CTNNA2: variants seen among roughly 807,000 people sequenced by gnomAD.
The protein encoded by CTNNA2 is catenin alpha 2.
In CTNNA2, 42 loss-of-function variants were observed where a neutral mutation model predicts 101.0. The observed-to-expected ratio is 0.42, with a 90% CI of 0.32 to 0.54. The LOEUF (loss-of-function observed/expected upper bound fraction) is 0.54. Ranked by LOEUF, CTNNA2 falls within the 20% of genes least tolerant of loss-of-function variation. The probability of loss-of-function intolerance (pLI) is 0.14; values close to 1 mark genes in which losing one functional copy is unlikely to be tolerated. For synonymous variants in CTNNA2, 450 were observed against 456.4 expected, an observed-to-expected ratio of 0.99 and a Z score of 0.18; for missense variants, 871 against 1,223.1, an observed-to-expected ratio of 0.71 and a Z score of 4.29.
At chr2:80,286,860 A>G (rs1291315981) in intron 7 of CTNNA2, among the ~76,000 whole-genome samples, 1 of 152,188 alleles carries the variant, frequency 6.6e-6, no homozygotes, top group African/African-American at 2.4e-5. Flanking sequence ...TTGTATTGGT[A>G]TGTAAACCCT....
intron 3 of CTNNA2, among the ~76,000 whole-genome samples, chr2:79,782,338 G>A (rs1314823814): frequency 1.3e-5 from 2 of 152,152 alleles, no homozygotes; most frequent in Non-Finnish European, 1.5e-5. Context: ...CTGGGTTCAA[G>A]TGATTCTCCT....
intron 7 of CTNNA2, among the ~76,000 whole-genome samples, chr2:80,166,588 A>G (rs1165702703): frequency 6.6e-6 from 1 of 152,138 alleles, no homozygotes; most frequent in Non-Finnish European, 1.5e-5. Context: ...CCTTAGGTCA[A>G]TGTTTTTCTG....
At chr2:80,335,145 G>A (rs1468382567) in intron 7 of CTNNA2, among the ~76,000 whole-genome samples, 1 of 152,164 alleles carries the variant, frequency 6.6e-6, no homozygotes, top group Non-Finnish European at 1.5e-5. Flanking sequence ...GAATATTGTA[G>A]ACAGGGAGAA....
At chr2:79,890,129 A>G (rs1013364089) in intron 6 of CTNNA2, among the ~76,000 whole-genome samples, 3 of 152,172 alleles carry the variant, frequency 2.0e-5, no homozygotes, top group Admixed American at 6.5e-5. Context: ...CACATTAAAT[A>G]TGAGATTTCT....
At chr2:80,230,221 T>C (rs1216682129) in intron 7 of CTNNA2, among the ~76,000 whole-genome samples, 1 of 151,696 alleles carries the variant, frequency 6.6e-6, no homozygotes, top group African/African-American at 2.4e-5. Flanking sequence ...TGCATGCCTG[T>C]ATATATTTCT....
At chr2:79,799,732 A>G (rs1344516553) in intron 3 of CTNNA2, among the ~76,000 whole-genome samples, 2 of 152,228 alleles carry the variant, frequency 1.3e-5, no homozygotes, top group Admixed American at 6.5e-5. Context: ...CACAGTCTTA[A>G]TGTCACATTA....
intron 9 of CTNNA2, among the ~76,000 whole-genome samples, chr2:80,514,868 CA>C (rs1267401430): frequency 1.3e-5 from 2 of 151,998 alleles, no homozygotes; most frequent in African/African-American, 4.8e-5. Context: ...AGACATTATT[CA>C]AAAAGAACCA....
intron 4 of CTNNA2, among the ~76,000 whole-genome samples, chr2:79,390,081 TG>T (rs1381350529): frequency 6.6e-6 from 1 of 152,144 alleles, no homozygotes; most frequent in African/African-American, 2.4e-5. Flanking sequence ...TTCATCAACT[TG>T]GTCATTCCCC....
intron 3 of CTNNA2, among the ~76,000 whole-genome samples, chr2:79,369,623 G>C (rs1343947294): frequency 6.6e-6 from 1 of 152,036 alleles, no homozygotes; most frequent in African/African-American, 2.4e-5. Context: ...AGCCTTCAAG[G>C]CTCACCCAAC....
chr2:79,565,606 A>G (rs753109322), intron 1 of CTNNA2, among the ~76,000 whole-genome samples: 4 of 152,060 alleles, frequency 2.6e-5, no homozygotes, highest in African/African-American at 4.8e-5. Context: ...GGTAGATAGA[A>G]CCTTTGAGGC....
intron 7 of CTNNA2, among the ~76,000 whole-genome samples, chr2:80,385,910 G>A (rs571209318): frequency 6.6e-6 from 1 of 152,176 alleles, no homozygotes; most frequent in South Asian, 2.1e-4. Context: ...TCACTGGTTT[G>A]GATGTTATTA....
At chr2:79,902,226 A>T (rs1685112883) in intron 6 of CTNNA2, among the ~76,000 whole-genome samples, 1 of 152,182 alleles carries the variant, frequency 6.6e-6, no homozygotes, top group Non-Finnish European at 1.5e-5. Flanking sequence ...GAAAGGATAC[A>T]TGAGGTAAAC....
intron 2 of CTNNA2, among the ~76,000 whole-genome samples, chr2:79,715,205 C>CA (rs140432724): frequency 0.076 from 4,970 of 65,406 alleles, 233 homozygotes; most frequent in African/African-American, 0.12. Context: ...AAAATTCCGT[C>CA]AAAAAAAAAA....
intron 7 of CTNNA2, among the ~76,000 whole-genome samples, chr2:79,956,842 G>GGTTTTTTTTT (rs1689255694): frequency 1.6e-5 from 1 of 64,378 alleles, no homozygotes; most frequent in Non-Finnish European, 2.8e-5. Flanking sequence ...AATACGTGTG[G>GGTTTTTTTTT]GTTTTTTTTT....
At chr2:79,365,704 T>C (rs1396399158) in intron 3 of CTNNA2, among the ~76,000 whole-genome samples, 1 of 152,038 alleles carries the variant, frequency 6.6e-6, no homozygotes, top group Non-Finnish European at 1.5e-5. Flanking sequence ...TTTTTGTTTT[T>C]TGTTTTTTTG....
chr2:79,393,856 T>C (rs1284085469), intron 4 of CTNNA2, among the ~76,000 whole-genome samples: 2 of 152,158 alleles, frequency 1.3e-5, no homozygotes, highest in Admixed American at 1.3e-4. Flanking sequence ...TTCAATTCCC[T>C]GATGTCTGTC....
intron 2 of CTNNA2, among the ~76,000 whole-genome samples, chr2:79,256,204 C>G (rs1355902322): frequency 6.6e-6 from 1 of 152,172 alleles, no homozygotes; most frequent in East Asian, 1.9e-4. Context: ...CTCCAAATGT[C>G]TGGGAGCCAA....
intron 8 of CTNNA2, among the ~76,000 whole-genome samples, chr2:80,407,348 A>G (rs1484000506): frequency 6.6e-6 from 1 of 152,218 alleles, no homozygotes; most frequent in African/African-American, 2.4e-5. Flanking sequence ...TGAAATAGCC[A>G]GAGATTGCAG....
chr2:80,389,842 T>C (rs2149361783), intron 7 of CTNNA2, among the ~76,000 whole-genome samples: 1 of 152,248 alleles, frequency 6.6e-6, no homozygotes, highest in African/African-American at 2.4e-5. Context: ...GTCAACTTCA[T>C]TTCTGAATTG....
Sources: gnomAD v4.1 joint callset for allele counts (sites outside exome capture counted in the v4.1 genomes callset) on GRCh38, gnomAD v4.1.1 for gene constraint, MANE v1.5 for transcripts, NCBI Gene and HGNC (gene_info 2026-07-23, HGNC 2026-07-21) for gene names.